Variants in VWA8 observed in about 807,000 individuals in gnomAD.
VWA8 encodes von Willebrand factor A domain containing 8, also known as von Willebrand factor A domain-containing protein 8.
Under a neutral mutation model 241.5 loss-of-function variants are expected in VWA8, and 221 were observed. That is an observed-to-expected ratio of 0.91 (90% confidence interval 0.82 to 1.02). VWA8 has a LOEUF of 1.02. Among genes scored for constraint, VWA8 ranks in the 50% least tolerant of loss-of-function variants. VWA8 has a pLI of 0.00. For synonymous variants in VWA8, 852 were observed against 827.1 expected, an observed-to-expected ratio of 1.03 and a Z score of -0.52; for missense variants, 2,322 against 2,328.7, an observed-to-expected ratio of 1.00 and a Z score of 0.06.
intron 21 of VWA8, among the ~76,000 whole-genome samples, chr13:41,760,737 G>A (rs903208283): frequency 1.3e-5 from 2 of 151,856 alleles, no homozygotes; most frequent in African/African-American, 4.8e-5. Flanking sequence ...AGATTTCTGG[G>A]TTCCTTATCT....
At chr13:41,946,310 T>G (rs374753961) in intron 2 of VWA8, among the ~76,000 whole-genome samples, 6 of 151,942 alleles carry the variant, frequency 3.9e-5, no homozygotes, top group African/African-American at 1.4e-4. Flanking sequence ...GAAAGCACAC[T>G]AGACAGTAAC....
Position 41,685,154 on chromosome 13 carries a change from T to C in VWA8, c.4220A>G (p.Lys1407Arg). The change falls in exon 35 of 45, where the codon AAA becomes AGA. Residue 1407 changes from lysine (K) to arginine (R), a missense_variant. Lys to Arg is a conservative substitution (Grantham distance 26). Coordinates refer to ENST00000379310, the MANE Select transcript of VWA8 (RefSeq NM_015058.2). ...ATTGCTTTGTTTTGGAGTCCCCCTT[T>C]TCTTCTTTCCTCTATAGAATGATGT... is the stretch of plus-strand genomic sequence containing the variant. The part of the protein sequence containing the change: ...TDTSFYRGKK[K>R]RGTPKQSNCV... 6.2e-7 allele frequency: 1 copy of C among 1,613,648 alleles called. No homozygotes were observed. Among genetic ancestry groups the C allele is most frequent in the East Asian group, 2.2e-5 (1 of 44,860 alleles).
At chr13:41,899,354 G>T (rs1593855588) in intron 4 of VWA8, among the ~76,000 whole-genome samples, 3 of 152,254 alleles carry the variant, frequency 2.0e-5, no homozygotes, top group African/African-American at 7.2e-5. Context: ...AATGTGTAAG[G>T]CTGGTATAAT....
chr13:41,627,267 T>TGA (rs1290098988), intron 37 of VWA8, among the ~76,000 whole-genome samples: 5 of 152,184 alleles, frequency 3.3e-5, no homozygotes, highest in Admixed American at 3.3e-4. Context: ...AAGTGGCCTT[T>TGA]GAGACCCTAT....
chr13:41,769,514 CAG>C (rs2045803850), intron 20 of VWA8, among the ~76,000 whole-genome samples: 1 of 152,176 alleles, frequency 6.6e-6, no homozygotes, highest in South Asian at 2.1e-4. Context: ...TTTCCCATAA[CAG>C]AAACATTTTA....
In VWA8 at chr13:41,703,318, A is replaced by G. The variant is rs181268752; in HGVS notation, c.3210T>C (p.His1070=). The G allele has an allele frequency of 1.6e-4, 255 of 1,613,832 alleles. 1 individual carries two copies. The East Asian group carries it at 4.9e-3, about 31-fold the overall frequency. ...MQKLLCPVET[H]HIDIKGPALI... is the part of the protein sequence containing the mutation. The stretch of plus-strand genomic sequence containing the variant: ...TGATATCAACCTTTATGTCTATATG[A>G]TGAGTTTCCACTGGACACAAGAGTT... Residue 1070 remains histidine (H), a synonymous_variant, in exon 27 of 45, where the codon CAT becomes CAC. Coordinates refer to ENST00000379310, the MANE Select transcript of VWA8 (RefSeq NM_015058.2).
At position 41,842,021 on chromosome 13, in the gene VWA8, C is replaced by A. The variant is rs1872080102; in HGVS notation, c.1426-8490G>T. ...CTTATTATACCAGGAAAATACCATA[C>A]CAGTAGTATAAACAAGAAGAAAATC... On this transcript the variant is annotated intron_variant, in intron 12 of 44. Coordinates refer to ENST00000379310, the MANE Select transcript of VWA8 (RefSeq NM_015058.2). 2.0e-5 allele frequency among the ~76,000 whole-genome samples: 3 copies of A among 150,782 alleles called. No individual in the cohort carries two copies. In the South Asian group the frequency reaches 6.3e-4, roughly 32 times the overall value.
At chr13:41,770,901 CAAAAAAA>C (rs71096541) in intron 20 of VWA8, among the ~76,000 whole-genome samples, 3 of 98,386 alleles carry the variant, frequency 3.0e-5, no homozygotes, top group African/African-American at 8.2e-5. Flanking sequence ...CTTAAAATGA[CAAAAAAA>C]AAAAAAAAAA....
chr13:41,742,170 GA>G (rs1414830977), intron 21 of VWA8, among the ~76,000 whole-genome samples: 1 of 152,182 alleles, frequency 6.6e-6, no homozygotes, highest in Non-Finnish European at 1.5e-5. Flanking sequence ...TCATTTCATG[GA>G]AAATATGAAA....
At chr13:41,786,820 T>A (rs1869211111) in intron 18 of VWA8, among the ~76,000 whole-genome samples, 1 of 152,074 alleles carries the variant, frequency 6.6e-6, no homozygotes. Flanking sequence ...TTTACATTTT[T>A]AAAAAATTGA....
intron 12 of VWA8, among the ~76,000 whole-genome samples, chr13:41,834,617 C>T (rs191688424): frequency 1.3e-5 from 2 of 152,252 alleles, no homozygotes; most frequent in East Asian, 1.9e-4. Flanking sequence ...GAAACAGGAA[C>T]ATTTTTACAC....
chr13:41,677,065 G>A (rs561273968), intron 35 of VWA8, among the ~76,000 whole-genome samples: 8 of 152,266 alleles, frequency 5.3e-5, no homozygotes, highest in African/African-American at 1.7e-4. Flanking sequence ...GATTGTGCCA[G>A]AATTTTAGAC....
chr13:41,608,707 C>G (rs1289033652), intron 39 of VWA8, among the ~76,000 whole-genome samples: 1 of 152,078 alleles, frequency 6.6e-6, no homozygotes, highest in Non-Finnish European at 1.5e-5. Flanking sequence ...TGGTGCCTAC[C>G]CTAGACGCTT....
chr13:41,867,032 A>T (rs1277301560), intron 10 of VWA8, among the ~76,000 whole-genome samples: 1 of 152,214 alleles, frequency 6.6e-6, no homozygotes, highest in Non-Finnish European at 1.5e-5. Context: ...TTTGGAAGTG[A>T]CAGGATCAGA....
At chr13:41,799,929 C>T (rs1869872117) in intron 17 of VWA8, among the ~76,000 whole-genome samples, 3 of 152,160 alleles carry the variant, frequency 2.0e-5, no homozygotes, top group African/African-American at 7.2e-5. Flanking sequence ...CTAGCAGTCA[C>T]CCTCCCTTTC....
In VWA8 at chr13:41,721,483, T is replaced by C; in HGVS notation, c.2851A>G (p.Ile951Val). The change falls in exon 25 of 45, where the codon ATC (isoleucine) becomes GTC (valine). Residue 951 changes from isoleucine to valine, a missense_variant. By Grantham distance (29) the Ile-to-Val change is conservative. Coordinates refer to ENST00000379310, the MANE Select transcript of VWA8 (RefSeq NM_015058.2). ...RQYGPNVPEP[I>V]LQKLVAAFGE... is the part of the protein sequence containing the mutation. Reference sequence around the variant, plus strand: ...AAGGCAGCCACAAGCTTCTGAAGGATGGGCTCAGGCACATTTGGTCCATAC... The same window carrying C: ...AAGGCAGCCACAAGCTTCTGAAGGACGGGCTCAGGCACATTTGGTCCATAC... The C allele has an allele frequency of 1.9e-6, 3 of 1,613,906 alleles. No homozygotes were observed. Among genetic ancestry groups the C allele is most frequent in the Non-Finnish European group, 2.5e-6 (3 of 1,179,854 alleles).
At chr13:41,662,487 G>A (rs961654892) in intron 37 of VWA8, among the ~76,000 whole-genome samples, 3 of 150,064 alleles carry the variant, frequency 2.0e-5, no homozygotes, top group Middle Eastern at 3.5e-3. Context: ...TTTTGGCTTC[G>A]ATAAACTCAT....
At chr13:41,674,070 T>C (rs1333063997) in intron 36 of VWA8, among the ~76,000 whole-genome samples, 1 of 152,218 alleles carries the variant, frequency 6.6e-6, no homozygotes, top group Non-Finnish European at 1.5e-5. Context: ...TTAAAAGCCA[T>C]TTTCCATTAA....
At chr13:41,618,213 T>C (rs2044634178) in intron 37 of VWA8, among the ~76,000 whole-genome samples, 1 of 152,246 alleles carries the variant, frequency 6.6e-6, no homozygotes. Context: ...TTGATTTGCA[T>C]TTCTCTGATG....
Sources: allele counts gnomAD v4.1 joint callset (sites outside exome capture counted in the v4.1 genomes callset), GRCh38; gene constraint gnomAD v4.1.1; transcripts MANE v1.5; gene names NCBI Gene and HGNC (gene_info 2026-07-23, HGNC 2026-07-21).